SCHIP1: variants seen among roughly 807,000 people sequenced by gnomAD.
The protein encoded by SCHIP1 is schwannomin-interacting protein 1.
Under a neutral mutation model 29.7 loss-of-function variants are expected in SCHIP1, and 8 were observed. That is an observed-to-expected ratio of 0.27 (90% CI 0.16 to 0.49). The LOEUF (loss-of-function observed/expected upper bound fraction) is 0.49. Ranked by LOEUF, SCHIP1 falls within the 20% of genes least tolerant of loss-of-function variation. The pLI, the probability that SCHIP1 is intolerant of heterozygous loss-of-function variation, is 0.99. For synonymous variants in SCHIP1, 76 were observed against 94.9 expected (o/e 0.80, Z 1.16); for missense variants, 193 against 294.6 (o/e 0.66, Z 2.52).
At chr3:159,733,336 A>G in the SCHIP1 span, among the ~76,000 whole-genome samples, 1 of 152,202 alleles carries the variant, frequency 6.6e-6, no homozygotes, top group Non-Finnish European at 1.5e-5. Context: ...TCTAAGATTG[A>G]GATGTATATA....
At chr3:159,750,022 T>A in the SCHIP1 span, among the ~76,000 whole-genome samples, 1 of 152,082 alleles carries the variant, frequency 6.6e-6, no homozygotes, top group East Asian at 1.9e-4. Flanking sequence ...TAATATCAGT[T>A]GAAAACTAAA....
chr3:159,626,217 GATATAT>G, the SCHIP1 span, among the ~76,000 whole-genome samples: 27 of 95,848 alleles, frequency 2.8e-4, no homozygotes, highest in East Asian at 3.5e-4. Context: ...GATATATCTA[GATATAT>G]ATATATCTAG....
the SCHIP1 span, among the ~76,000 whole-genome samples, chr3:159,479,029 C>G: frequency 6.6e-6 from 1 of 152,008 alleles, no homozygotes; most frequent in Non-Finnish European, 1.5e-5. Context: ...TTCTTCCTTT[C>G]CTATAAAAAT....
the SCHIP1 span, among the ~76,000 whole-genome samples, chr3:159,602,436 C>T: frequency 6.6e-6 from 1 of 152,178 alleles, no homozygotes; most frequent in African/African-American, 2.4e-5. Flanking sequence ...CCGGGCCAGG[C>T]ATGGTGGCTC....
At chr3:159,381,808 C>T in the SCHIP1 span, among the ~76,000 whole-genome samples, 3 of 152,094 alleles carry the variant, frequency 2.0e-5, no homozygotes, top group African/African-American at 7.2e-5. Context: ...GTTGGCCAGG[C>T]TGGTCTCGAA....
the SCHIP1 span, among the ~76,000 whole-genome samples, chr3:159,542,252 T>C: frequency 6.6e-6 from 1 of 152,062 alleles, no homozygotes. Flanking sequence ...CATACAACAA[T>C]GTATATAAGA....
chr3:159,574,047 G>A, the SCHIP1 span, among the ~76,000 whole-genome samples: 4 of 152,238 alleles, frequency 2.6e-5, no homozygotes, highest in Middle Eastern at 3.4e-3. Flanking sequence ...CCTTGCGATG[G>A]GTTTGAACAT....
the SCHIP1 span, among the ~76,000 whole-genome samples, chr3:159,455,905 T>C: frequency 6.6e-6 from 1 of 152,202 alleles, no homozygotes; most frequent in Non-Finnish European, 1.5e-5. Context: ...CTGGGGCTGC[T>C]GTCAGCCTTA....
At chr3:159,618,722 C>T in the SCHIP1 span, among the ~76,000 whole-genome samples, 2 of 150,752 alleles carry the variant, frequency 1.3e-5, no homozygotes, top group South Asian at 2.1e-4. Flanking sequence ...CATTGTTTTC[C>T]GTATAGAGTT....
At chr3:159,524,432 C>T in the SCHIP1 span, among the ~76,000 whole-genome samples, 2 of 152,214 alleles carry the variant, frequency 1.3e-5, no homozygotes, top group African/African-American at 4.8e-5. Flanking sequence ...CTTGCTCAGA[C>T]TTCATCTTGC....
chr3:159,410,529 G>A, the SCHIP1 span, among the ~76,000 whole-genome samples: 1 of 152,166 alleles, frequency 6.6e-6, no homozygotes, highest in Non-Finnish European at 1.5e-5. Context: ...ATGAAAAAGT[G>A]CTCAACATCA....
chr3:159,649,055 G>A, the SCHIP1 span, among the ~76,000 whole-genome samples: 3 of 152,172 alleles, frequency 2.0e-5, no homozygotes, highest in Non-Finnish European at 2.9e-5. Context: ...AACTCTGATG[G>A]AAGGATTTCA....
the SCHIP1 span, among the ~76,000 whole-genome samples, chr3:159,360,275 T>C: frequency 3.3e-5 from 5 of 152,212 alleles, no homozygotes; most frequent in African/African-American, 1.2e-4. Context: ...TAAAAATTTG[T>C]ATTTAGTATA....
chr3:159,390,159 A>T, the SCHIP1 span, among the ~76,000 whole-genome samples: 5 of 152,104 alleles, frequency 3.3e-5, no homozygotes, highest in African/African-American at 1.2e-4. Context: ...TGAATTTAGA[A>T]CAAACTTTGA....
chr3:159,352,515 A>T, the SCHIP1 span, among the ~76,000 whole-genome samples: 3 of 152,250 alleles, frequency 2.0e-5, no homozygotes, highest in African/African-American at 7.2e-5. Context: ...AACTGACAGC[A>T]GTATAATCCA....
chr3:159,443,747 TC>T, the SCHIP1 span, among the ~76,000 whole-genome samples: 167 of 152,296 alleles, frequency 1.1e-3, no homozygotes, highest in African/African-American at 3.9e-3. Flanking sequence ...GACCTCGTGA[TC>T]TGCCCGCCTC....
At chr3:159,506,920 T>A in the SCHIP1 span, among the ~76,000 whole-genome samples, 1 of 152,238 alleles carries the variant, frequency 6.6e-6, no homozygotes, top group Non-Finnish European at 1.5e-5. Context: ...AGCTTTGTTT[T>A]TTGGCTTAGC....
chr3:159,810,044 T>TTTG, the SCHIP1 span, among the ~76,000 whole-genome samples: 3 of 152,106 alleles, frequency 2.0e-5, no homozygotes, highest in Non-Finnish European at 4.4e-5. Flanking sequence ...ATTCACCTTT[T>TTTG]TTGTTGTTGT....
the SCHIP1 span, among the ~76,000 whole-genome samples, chr3:159,530,783 T>C: frequency 6.6e-6 from 1 of 152,312 alleles, no homozygotes; most frequent in Admixed American, 6.5e-5. Flanking sequence ...CAAGGAGGCC[T>C]TATTGTCTCT....
Sources: allele counts gnomAD v4.1 joint callset (sites outside exome capture counted in the v4.1 genomes callset), GRCh38; gene constraint gnomAD v4.1.1; transcripts MANE v1.5; gene names NCBI Gene and HGNC (gene_info 2026-07-23, HGNC 2026-07-21).